The following PALS2 variants were observed in gnomAD, a reference collection of about 807,000 sequenced individuals.
PALS2 encodes the protein protein PALS2.
In PALS2, 27 loss-of-function variants were observed where a neutral mutation model predicts 61.6. That is an observed-to-expected ratio of 0.44 (90% confidence interval 0.32 to 0.60). The LOEUF (loss-of-function observed/expected upper bound fraction) is 0.60, where lower values mean the gene tolerates loss of function less well. PALS2 is among the 20% of genes least tolerant of loss of function. PALS2 has a pLI of 0.05. For synonymous variants in PALS2, 236 were observed against 218.6 expected (o/e 1.08, Z -0.70); for missense variants, 554 against 639.4 (o/e 0.87, Z 1.44).
chr7:24,652,824 G>A (rs1320260013), intron 5 of PALS2, among the ~76,000 whole-genome samples: 1 of 152,176 alleles, frequency 6.6e-6, no homozygotes, highest in African/African-American at 2.4e-5. Flanking sequence ...CCACGGTAAT[G>A]TTTTTCAAAA....
At chr7:24,621,469 T>C (rs986784272) in intron 1 of PALS2, among the ~76,000 whole-genome samples, 11 of 152,074 alleles carry the variant, frequency 7.2e-5, no homozygotes, top group Non-Finnish European at 1.3e-4. Context: ...GATTTTGTTT[T>C]TAAAAATTGA....
At chr7:24,630,596 A>G (rs1460462169) in intron 2 of PALS2, among the ~76,000 whole-genome samples, 2 of 152,258 alleles carry the variant, frequency 1.3e-5, no homozygotes, top group Middle Eastern at 3.2e-3. Context: ...CAGACACAGC[A>G]GCTTTGTTTT....
At chr7:24,619,717 CAAA>C (rs11366774) in intron 1 of PALS2, among the ~76,000 whole-genome samples, 59 of 101,928 alleles carry the variant, frequency 5.8e-4, no homozygotes, top group Non-Finnish European at 4.7e-4. Context: ...GACTCTGTCT[CAAA>C]AAAAAAAAAA....
At chr7:24,624,631 A>G (rs1295824942) in intron 2 of PALS2, among the ~76,000 whole-genome samples, 1 of 44,684 alleles carries the variant, frequency 2.2e-5, no homozygotes, top group African/African-American at 5.6e-4. Flanking sequence ...TTTTGAGAGG[A>G]AGTCTCACTT....
intron 1 of PALS2, among the ~76,000 whole-genome samples, chr7:24,616,487 G>A (rs1784297097): frequency 6.6e-6 from 1 of 152,244 alleles, no homozygotes. Context: ...TGAAATAAGT[G>A]TAGCTTTTGG....
chr7:24,578,277 T>C (rs1782713890), intron 1 of PALS2, among the ~76,000 whole-genome samples: 1 of 152,190 alleles, frequency 6.6e-6, no homozygotes. Flanking sequence ...ATTAACACTA[T>C]ATTTCAAGGA....
chr7:24,586,776 G>A (rs1041768849), intron 1 of PALS2, among the ~76,000 whole-genome samples: 2 of 152,164 alleles, frequency 1.3e-5, no homozygotes, highest in African/African-American at 4.8e-5. Context: ...GAAGAGGCTT[G>A]TGGTAATAAT....
At chr7:24,654,773 G>C (rs954656496) in intron 5 of PALS2, among the ~76,000 whole-genome samples, 1 of 152,122 alleles carries the variant, frequency 6.6e-6, no homozygotes. Flanking sequence ...AAGCAGGAAT[G>C]GGGTCTGATT....
chr7:24,608,163 C>T (rs1193638705), intron 1 of PALS2, among the ~76,000 whole-genome samples: 1 of 152,024 alleles, frequency 6.6e-6, no homozygotes, highest in Non-Finnish European at 1.5e-5. Context: ...GGAGTCTACT[C>T]CATTATCTCC....
At position 24,573,619 on chromosome 7, in the gene PALS2, C is replaced by G. The variant is rs1474414416; in HGVS notation, c.-3+26C>G. The G allele has an allele frequency of 5.9e-6, 2 of 338,942 alleles. No individual in the cohort carries two copies. Among genetic ancestry groups the G allele is most frequent in the Non-Finnish European group, 5.3e-6 (1 of 187,900 alleles). The allele number at this position is 338,942 out of a possible 1,614,324, so 21.0% of individuals were successfully genotyped here. ...GTGAGTTAACTGGACCCCCACGCCG[C>G]TCGGGTAACGGTCGCGCCGCGCGCC... is the stretch of plus-strand genomic sequence containing the variant. On this transcript the variant is annotated intron_variant, in intron 1 of 11. Transcript: ENST00000222644. The surrounding 1 kb of genome is among the most constrained non-coding windows in gnomAD (Gnocchi z 5.3).
chr7:24,666,174 A>C, intron 8 of PALS2, 85 bp downstream of exon 8: 1 of 1,194,986 alleles, frequency 8.4e-7, no homozygotes, highest in Non-Finnish European at 1.2e-6. Context: ...ATACAGCTTT[A>C]AGTGAGTGTA....
chr7:24,586,198 G>A (rs1253170519), intron 1 of PALS2, among the ~76,000 whole-genome samples: 1 of 151,796 alleles, frequency 6.6e-6, no homozygotes, highest in Admixed American at 6.6e-5. Flanking sequence ...ACAAAGTTTA[G>A]CCATATTTAA....
chr7:24,655,140 G>T (rs972767609), intron 5 of PALS2, among the ~76,000 whole-genome samples: 3 of 152,162 alleles, frequency 2.0e-5, no homozygotes, highest in Non-Finnish European at 4.4e-5. Context: ...GTGGCAGTGT[G>T]TATTGGTATA....
intron 1 of PALS2, among the ~76,000 whole-genome samples, chr7:24,602,322 T>G (rs1783748936): frequency 6.6e-6 from 1 of 152,204 alleles, no homozygotes. Context: ...TTGTTTATTT[T>G]AATCTCTTTC....
At chr7:24,580,192 T>A (rs74394616) in intron 1 of PALS2, among the ~76,000 whole-genome samples, 12,556 of 152,212 alleles carry the variant, frequency 0.082, 666 homozygotes, top group Admixed American at 0.12. Context: ...ATACTTTATA[T>A]TTTGTTCTGT....
chr7:24,638,432 G>A (rs1259244255), intron 2 of PALS2, among the ~76,000 whole-genome samples: 1 of 50,196 alleles, frequency 2.0e-5, no homozygotes, highest in Non-Finnish European at 3.0e-5. Flanking sequence ...CCGGGTTCAC[G>A]CCATTCTCCT....
At chr7:24,588,614 C>G (rs779639595) in intron 1 of PALS2, among the ~76,000 whole-genome samples, 1 of 152,070 alleles carries the variant, frequency 6.6e-6, no homozygotes, top group South Asian at 2.1e-4. Context: ...CAACAAGACC[C>G]TTAAGGGAAA....
chr7:24,615,685 A>C (rs1243432796), intron 1 of PALS2, among the ~76,000 whole-genome samples: 1 of 152,024 alleles, frequency 6.6e-6, no homozygotes, highest in East Asian at 1.9e-4. Flanking sequence ...ATTGGAGGGG[A>C]GGGAATTCTT....
chr7:24,647,987 C>T (rs947778801), intron 3 of PALS2, among the ~76,000 whole-genome samples: 2 of 152,062 alleles, frequency 1.3e-5, no homozygotes, highest in Non-Finnish European at 2.9e-5. Flanking sequence ...ATGAAACTGC[C>T]AAAGGAGGAT....
Sources: gnomAD v4.1 joint callset for allele counts (sites outside exome capture counted in the v4.1 genomes callset) on GRCh38, gnomAD v4.1.1 for gene constraint, Gnocchi (gnomAD v3.1) non-coding constraint, MANE v1.5 for transcripts, NCBI Gene and HGNC (gene_info 2026-07-23, HGNC 2026-07-21) for gene names.